Variants in COL16A1 observed in about 807,000 individuals in gnomAD.
The protein encoded by COL16A1 is collagen type XVI alpha 1 chain.
In COL16A1, 189 loss-of-function variants were observed where a neutral mutation model predicts 266.3. The observed-to-expected ratio is 0.71, with a 90% CI of 0.63 to 0.80. COL16A1 has a LOEUF of 0.80. COL16A1 is among the 30% of genes least tolerant of loss of function. The pLI is 0.00. For synonymous variants in COL16A1, 740 were observed against 782.3 expected, an observed-to-expected ratio of 0.95 and a Z score of 0.90; for missense variants, 1,928 against 2,122.4, an observed-to-expected ratio of 0.91 and a Z score of 1.80.
At position 31,660,571 on chromosome 1, in the gene COL16A1, G is replaced by A. The variant is rs757386663; in HGVS notation, c.3879+14C>T. ...AACTCTTATGGAGACAGAGACAAAA[G>A]TGGTTCAACTCACAACGTGTCCCGG... is the stretch of plus-strand genomic sequence containing the variant. On this transcript the variant is annotated intron_variant, in intron 62 of 70. Coordinates refer to ENST00000373672, the MANE Select transcript of COL16A1 (RefSeq NM_001856.4). 8.1e-6 allele frequency: 13 copies of A among 1,613,774 alleles called. No homozygotes were observed. The East Asian group carries it at 2.9e-4, about 36-fold the overall frequency.
Position 31,653,431 on chromosome 1 carries a change from T to A in COL16A1, c.4612+168A>T. 3 of 783,944 alleles carry A rather than the reference T, an allele frequency of 3.8e-6. No homozygotes were observed. In the East Asian group the frequency reaches 8.5e-5, roughly 22 times the overall value. 48.6% of individuals were successfully genotyped at this position (783,944 alleles called of 1,614,324 possible). A position where few individuals can be genotyped will look rare whatever the true frequency, so the allele number is the denominator to read the frequency against. On this transcript the variant is annotated intron_variant, in intron 70 of 70. Coordinates refer to ENST00000373672, the MANE Select transcript of COL16A1 (RefSeq NM_001856.4). ...AGGTACTGAGTCTTCCGCCCCCACA[T>A]CCCCACAGGCCCTGGCAGAGTGTCT... is the stretch of plus-strand genomic sequence containing the variant.
rs113184731 is a variant in COL16A1, at chr1:31,698,715, A to G, written c.267-109T>C. On this transcript the variant is annotated intron_variant, in intron 4 of 70. Coordinates refer to ENST00000373672, the MANE Select transcript of COL16A1 (RefSeq NM_001856.4). This position sits in a 1 kb window ranked among gnomAD's most constrained non-coding sequence, Gnocchi z 4.1. ...CTACCCAAGACATCCACAGGCACACATCTTCCATCATATACATTCATTCAC... is the reference window on the plus strand; with the variant it reads ...CTACCCAAGACATCCACAGGCACACGTCTTCCATCATATACATTCATTCAC... The G allele has an allele frequency of 5.0e-3, 7,496 of 1,499,460 alleles. 46 individuals carry two copies. Among genetic ancestry groups the G allele is most frequent in the East Asian group, 0.023 (987 of 43,334 alleles). 92.9% of individuals were successfully genotyped at this position (1,499,460 alleles called of 1,614,324 possible).
At chr1:31,661,583 G>C in intron 59 of COL16A1, 77 bp downstream of exon 59, 1 of 1,611,716 alleles carries the variant, frequency 6.2e-7, no homozygotes, top group South Asian at 1.1e-5. Flanking sequence ...CGGAGGATCT[G>C]GATTTGAGCT....
chr1:31,692,352 G>T (rs1644309725), intron 16 of COL16A1, 122 bp downstream of exon 16: 1 of 1,439,980 alleles, frequency 6.9e-7, no homozygotes, highest in South Asian at 1.4e-5. Flanking sequence ...GGGGAGGGAG[G>T]GTCCTGCCAG....
chr1:31,698,268 G>GGAACT lies in COL16A1; in HGVS notation c.391-101_391-97dup, dbSNP rs1177486285. On this transcript the variant is annotated intron_variant, in intron 5 of 70. Coordinates refer to ENST00000373672, the MANE Select transcript of COL16A1 (RefSeq NM_001856.4). The surrounding 1 kb of genome is among the most constrained non-coding windows in gnomAD (Gnocchi z 4.1). ...GACCTTGAACTCATTTCACAGGAGG[G>GGAACT]GAACTGAGGCCCAGAAAGAGAAGAA... is the stretch of plus-strand genomic sequence containing the variant. 6.4e-7 allele frequency: 1 copy of GGAACT among 1,554,854 alleles called. No individual in the cohort carries two copies. Among genetic ancestry groups the GGAACT allele is most frequent in the Non-Finnish European group, 8.7e-7 (1 of 1,153,600 alleles).
intron 68 of COL16A1, 76 bp downstream of exon 68, chr1:31,654,716 A>G (rs1222953666): frequency 1.9e-6 from 3 of 1,610,654 alleles, no homozygotes; most frequent in Middle Eastern, 1.8e-4. Flanking sequence ...TTAAGGAGAA[A>G]GAGGCCAAGG....
rs1386429305 is a variant in COL16A1, at chr1:31,685,706, G to T, written c.1949C>A (p.Ala650Asp). The change falls in exon 29 of 71, where the codon GCC becomes GAC. Residue 650 changes from alanine (A) to aspartate (D), a missense_variant. Physicochemically the swap from Ala to Asp is moderately radical, Grantham distance 126. Coordinates refer to ENST00000373672, the MANE Select transcript of COL16A1 (RefSeq NM_001856.4). The surrounding 1 kb of genome is among the most constrained non-coding windows in gnomAD (Gnocchi z 4.0). ...CTTCTCTCCGGATGGGCCAGGCAAGGCCACCACACGGACATCCCCATCCTG... is the reference window on the plus strand; with the variant it reads ...CTTCTCTCCGGATGGGCCAGGCAAGTCCACCACACGGACATCCCCATCCTG... ...NLQDGDVRVVALPGPSGEKGE... is the reference protein window; with the variant it reads ...NLQDGDVRVVDLPGPSGEKGE... 6.2e-7 allele frequency: 1 copy of T among 1,613,986 alleles called. No homozygotes were observed. The highest frequency in any genetic ancestry group is 8.5e-7 in the Non-Finnish European group (1 of 1,180,014).
intron 68 of COL16A1, among the ~76,000 whole-genome samples, chr1:31,654,365 C>A (rs1413966720): frequency 6.6e-6 from 1 of 152,212 alleles, no homozygotes; most frequent in Non-Finnish European, 1.5e-5. Context: ...CCAAGCAAGA[C>A]GTCCAGCCCT....
chr1:31,680,539 C>A lies in COL16A1; in HGVS notation c.2610+366G>T, dbSNP rs75989054. Among the ~76,000 whole-genome samples, 868 of 152,316 alleles carry A rather than the reference C, an allele frequency of 5.7e-3. 11 individuals carry two copies. Among genetic ancestry groups the A allele is most frequent in the African/African-American group, 0.02 (835 of 41,562 alleles). ...ACCTCTCTGCCCTCTCACCACTAGT[C>A]CTTTCCAGCTCACTTCCTGCCCCAT... On this transcript the variant is annotated intron_variant, in intron 39 of 70. Transcript: ENST00000373672.
At position 31,690,511 on chromosome 1, in the gene COL16A1, T is replaced by C. The variant is rs376225806; in HGVS notation, c.1482+18A>G. ...CTTGGAAGAGCCGACCCTCCCCCGC[T>C]GGATTGGTGTCACTCACAGGTTTCC... On this transcript the variant is annotated intron_variant, in intron 21 of 70. Coordinates refer to ENST00000373672, the MANE Select transcript of COL16A1 (RefSeq NM_001856.4). 7.4e-6 allele frequency: 12 copies of C among 1,613,890 alleles called. No homozygotes were observed. The African/African-American group carries it at 1.6e-4, about 22-fold the overall frequency.
In COL16A1 at chr1:31,685,474, C is replaced by T. The variant is rs1019323542; in HGVS notation, c.2016+165G>A. 1.3e-5 allele frequency among the ~76,000 whole-genome samples: 2 copies of T among 152,166 alleles called. No homozygotes were observed. The highest frequency in any genetic ancestry group is 2.4e-5 in the African/African-American group (1 of 41,432). ...TCTGTCCCAGGATAAAGGGCAGAGA[C>T]CTGTGAGGGCCGCTCCTGCTGGAGA... is the stretch of plus-strand genomic sequence containing the variant. On this transcript the variant is annotated intron_variant, in intron 29 of 70. Transcript: ENST00000373672. This position sits in a 1 kb window ranked among gnomAD's most constrained non-coding sequence, Gnocchi z 4.0.
At chr1:31,701,618 A>C in intron 2 of COL16A1, 2 of 967,344 alleles carry the variant, frequency 2.1e-6, no homozygotes, top group Non-Finnish European at 2.5e-6. Context: ...GCCTTTTATT[A>C]GAGATTCAGG....
intron 11 of COL16A1, among the ~76,000 whole-genome samples, chr1:31,694,711 C>T (rs1268739253): frequency 2.0e-5 from 3 of 152,188 alleles, no homozygotes; most frequent in African/African-American, 7.2e-5. Context: ...GAGCCCCTCT[C>T]CTTGCCCTTC....
chr1:31,660,546 A>G (rs1393511439), intron 62 of COL16A1, 39 bp downstream of exon 62: 2 of 1,608,950 alleles, frequency 1.2e-6, no homozygotes, highest in East Asian at 2.2e-5. Flanking sequence ...CCAAAATGCT[A>G]ACTCTTATGG....
chr1:31,683,940 T>A lies in COL16A1; in HGVS notation c.2337+10A>T, dbSNP rs1643839765. On this transcript the variant is annotated intron_variant, in intron 33 of 70. Coordinates refer to ENST00000373672, the MANE Select transcript of COL16A1 (RefSeq NM_001856.4). ...TAGCTACGGCCCAGGGCCCCAAGAC[T>A]CACACATACCTGCACGCCCTTCAGT... The A allele has an allele frequency of 6.2e-7, 1 of 1,613,734 alleles. No homozygotes were observed. Among genetic ancestry groups the A allele is most frequent in the Admixed American group, 1.7e-5 (1 of 59,964 alleles).
rs758168919 is a variant in COL16A1, at chr1:31,683,240, G to A, written c.2423C>T (p.Pro808Leu). 3.1e-5 allele frequency: 50 copies of A among 1,614,002 alleles called. No homozygotes were observed. Among genetic ancestry groups the A allele is most frequent in the African/African-American group, 5.3e-5 (4 of 74,890 alleles). The change falls in exon 36 of 71, where the codon CCG (proline) becomes CTG (leucine). Residue 808 changes from proline (P) to leucine (L), a missense_variant. This residue lies in a region of COL16A1 where 1,552 missense variants were observed against 1,637.2 expected (regional missense o/e 0.95). Transcript: ENST00000373672. The part of the protein sequence containing the change: ...APGLPGIQGL[P>L]GPRGPPGPTG... ...GGGGCCAGGTGGTCCCCGAGGTCCC[G>A]GAAGTCCCTGCAGATGGAAGCACAG...
chr1:31,703,311 G>A (rs1020246956), intron 1 of COL16A1, among the ~76,000 whole-genome samples: 1 of 152,134 alleles, frequency 6.6e-6, no homozygotes, highest in African/African-American at 2.4e-5. Flanking sequence ...TCATGGATAG[G>A]AAATGAAAAC....
Position 31,661,516 on chromosome 1 carries a change from A to C in COL16A1, c.3727-58T>G, listed in dbSNP as rs1641662533. Reference sequence around the variant, plus strand: ...TCATGTCAGCTGGGGGCCTCTTCCCACTCCTCCTTCCTCAGTTCAAACAAT... The same window carrying C: ...TCATGTCAGCTGGGGGCCTCTTCCCCCTCCTCCTTCCTCAGTTCAAACAAT... On this transcript the variant is annotated intron_variant, in intron 59 of 70. Coordinates refer to ENST00000373672, the MANE Select transcript of COL16A1 (RefSeq NM_001856.4). 1.2e-5 allele frequency: 19 copies of C among 1,613,314 alleles called. No homozygotes were observed. The South Asian group carries it at 1.9e-4, about 16-fold the overall frequency.
At chr1:31,702,700 C>T (rs746888236) in intron 1 of COL16A1, among the ~76,000 whole-genome samples, 4 of 152,210 alleles carry the variant, frequency 2.6e-5, no homozygotes, top group African/African-American at 4.8e-5. Flanking sequence ...GCGCACCCAG[C>T]TCAGCCCAGG....
Sources: gnomAD v4.1 joint callset for allele counts (sites outside exome capture counted in the v4.1 genomes callset) on GRCh38, gnomAD v4.1.1 for gene constraint, gnomAD v4.1.1 regional missense constraint, Gnocchi (gnomAD v3.1) non-coding constraint, MANE v1.5 for transcripts, NCBI Gene and HGNC (gene_info 2026-07-23, HGNC 2026-07-21) for gene names.